CSRNP3: variants seen among roughly 807,000 people sequenced by gnomAD.
CSRNP3 encodes the protein cysteine and serine rich nuclear protein 3.
Under a neutral mutation model 48.0 loss-of-function variants are expected in CSRNP3, and 12 were observed. The observed-to-expected ratio is 0.25, with a 90% CI of 0.16 to 0.41. The LOEUF (loss-of-function observed/expected upper bound fraction) is 0.41, where lower values mean the gene tolerates loss of function less well. Ranked by LOEUF, CSRNP3 falls within the 10% of genes least tolerant of loss-of-function variation. CSRNP3 has a pLI of 1.00. For synonymous variants in CSRNP3, 263 were observed against 269.7 expected (o/e 0.98, Z 0.24); for missense variants, 580 against 724.4 (o/e 0.80, Z 2.29).
chr2:165,493,208 A>T (rs1446011274), intron 1 of CSRNP3, among the ~76,000 whole-genome samples: 4 of 143,978 alleles, frequency 2.8e-5, no homozygotes, highest in Non-Finnish European at 4.6e-5. Context: ...CTACTTTATT[A>T]AAAAAAAAAA....
chr2:165,579,330 C>T (rs753754213), intron 3 of CSRNP3, among the ~76,000 whole-genome samples: 9 of 152,244 alleles, frequency 5.9e-5, no homozygotes, highest in Non-Finnish European at 1.2e-4. Flanking sequence ...TAGATATGTA[C>T]CTTGAATCAT....
At chr2:165,567,998 A>G (rs1685320369) in intron 3 of CSRNP3, among the ~76,000 whole-genome samples, 1 of 152,132 alleles carries the variant, frequency 6.6e-6, no homozygotes, top group Admixed American at 6.6e-5. Context: ...TTTTGGATCT[A>G]ATTGGCAGCT....
intron 3 of CSRNP3, among the ~76,000 whole-genome samples, chr2:165,534,372 TAAAA>T (rs1558927528): frequency 6.6e-6 from 1 of 152,008 alleles, no homozygotes; most frequent in East Asian, 1.9e-4. Flanking sequence ...TGAATGAGTT[TAAAA>T]AAACTGAAAA....
chr2:165,666,389 G>C (rs1573956171), intron 5 of CSRNP3, among the ~76,000 whole-genome samples: 1 of 109,118 alleles, frequency 9.2e-6, no homozygotes, highest in Non-Finnish European at 2.0e-5. Context: ...AAGAGAGAGA[G>C]AGAAAGGAAG....
intron 5 of CSRNP3, among the ~76,000 whole-genome samples, chr2:165,675,395 G>T (rs1687407335): frequency 6.6e-6 from 1 of 152,048 alleles, no homozygotes; most frequent in South Asian, 2.1e-4. Context: ...CTGCTCCTCA[G>T]GGTAGATATC....
intron 5 of CSRNP3, among the ~76,000 whole-genome samples, chr2:165,661,546 G>A (rs900842472): frequency 6.6e-6 from 1 of 152,132 alleles, no homozygotes; most frequent in Non-Finnish European, 1.5e-5. Flanking sequence ...TCAAAGCCTA[G>A]TTTCTACTGA....
intron 3 of CSRNP3, among the ~76,000 whole-genome samples, chr2:165,520,631 A>G (rs1346911730): frequency 6.6e-6 from 1 of 151,056 alleles, no homozygotes; most frequent in Admixed American, 6.6e-5. Flanking sequence ...CATGTGTCCA[A>G]TATTAGATTA....
At chr2:165,580,989 T>C (rs960219366) in intron 3 of CSRNP3, among the ~76,000 whole-genome samples, 4 of 152,176 alleles carry the variant, frequency 2.6e-5, no homozygotes, top group African/African-American at 4.8e-5. Flanking sequence ...GGTACTTTTG[T>C]TGTTATGGAG....
intron 4 of CSRNP3, among the ~76,000 whole-genome samples, chr2:165,609,137 G>A (rs1310472792): frequency 7.0e-6 from 1 of 143,884 alleles, no homozygotes; most frequent in Non-Finnish European, 1.5e-5. Flanking sequence ...TCTGGAGTCA[G>A]ATTACCTAAA....
At chr2:165,602,356 A>C (rs1442831958) in intron 4 of CSRNP3, among the ~76,000 whole-genome samples, 1 of 152,228 alleles carries the variant, frequency 6.6e-6, no homozygotes, top group Non-Finnish European at 1.5e-5. Flanking sequence ...AGAGGTTCCC[A>C]GACTCTTCAC....
chr2:165,600,764 G>A (rs985083232), intron 4 of CSRNP3, among the ~76,000 whole-genome samples: 1 of 152,138 alleles, frequency 6.6e-6, no homozygotes, highest in African/African-American at 2.4e-5. Flanking sequence ...GTCCTTCAGT[G>A]TGGTTGCCCT....
intron 3 of CSRNP3, among the ~76,000 whole-genome samples, chr2:165,571,210 C>A (rs72877767): frequency 6.6e-6 from 1 of 151,936 alleles, no homozygotes; most frequent in Non-Finnish European, 1.5e-5. Flanking sequence ...ATTTTCTCAT[C>A]TGTATTTATA....
chr2:165,511,318 A>T (rs1416093444), intron 2 of CSRNP3, among the ~76,000 whole-genome samples: 2 of 152,166 alleles, frequency 1.3e-5, no homozygotes. Flanking sequence ...TGAGATGGGG[A>T]GCTGATGAAA....
chr2:165,571,258 G>A (rs1291403901), intron 3 of CSRNP3, among the ~76,000 whole-genome samples: 2 of 151,646 alleles, frequency 1.3e-5, no homozygotes, highest in Non-Finnish European at 2.9e-5. Context: ...GTTCTTTGTT[G>A]CACTTCGCAT....
At chr2:165,641,211 C>G (rs1462677910) in intron 4 of CSRNP3, among the ~76,000 whole-genome samples, 2 of 152,174 alleles carry the variant, frequency 1.3e-5, no homozygotes, top group Non-Finnish European at 2.9e-5. Context: ...CAATGGTTCA[C>G]CAGTTCTAGT....
intron 4 of CSRNP3, among the ~76,000 whole-genome samples, chr2:165,626,823 C>T (rs1686443950): frequency 6.6e-6 from 1 of 152,178 alleles, no homozygotes; most frequent in South Asian, 2.1e-4. Context: ...CTTCGCAAAC[C>T]AAGAAATATC....
intron 4 of CSRNP3, among the ~76,000 whole-genome samples, chr2:165,632,068 T>A (rs1476004122): frequency 6.6e-6 from 1 of 152,220 alleles, no homozygotes; most frequent in African/African-American, 2.4e-5. Flanking sequence ...GGCCTAGAAA[T>A]GATAACAAAA....
rs1357446242 is a variant in CSRNP3 at position 165,592,599 on chromosome 2, G to A, written c.-23-2444G>A. 2.0e-5 allele frequency among the ~76,000 whole-genome samples: 3 copies of A among 151,978 alleles called. No homozygotes were observed. The East Asian group carries it at 5.8e-4, about 29-fold the overall frequency. On this transcript the variant is annotated intron_variant, in intron 3 of 6. Transcript: ENST00000651982. ...TTGGGGGGGTAATTGAATCATGGGGGCAGTTACCCTCATGCTGTTCTCCTG... is the reference window on the plus strand; with the variant it reads ...TTGGGGGGGTAATTGAATCATGGGGACAGTTACCCTCATGCTGTTCTCCTG...
At chr2:165,514,512 T>C (rs1245941854) in intron 2 of CSRNP3, among the ~76,000 whole-genome samples, 1 of 152,248 alleles carries the variant, frequency 6.6e-6, no homozygotes, top group African/African-American at 2.4e-5. Flanking sequence ...ATTCTGTCTC[T>C]CACATGTGTG....
Sources: allele counts gnomAD v4.1 joint callset (sites outside exome capture counted in the v4.1 genomes callset), GRCh38; gene constraint gnomAD v4.1.1; transcripts MANE v1.5; gene names NCBI Gene and HGNC (gene_info 2026-07-23, HGNC 2026-07-21).